Variants in HNRNPM observed in about 807,000 individuals in gnomAD.
HNRNPM encodes the protein heterogeneous nuclear ribonucleoprotein M.
In HNRNPM, 11 loss-of-function variants were observed where a neutral mutation model predicts 73.1. That is an observed-to-expected ratio of 0.15 (90% CI 0.09 to 0.25). HNRNPM has a LOEUF of 0.25. HNRNPM is among the 10% of genes least tolerant of loss of function. HNRNPM has a pLI of 1.00. For missense variants in HNRNPM, 789 were observed against 1,067.9 expected (o/e 0.74, Z 3.64); for synonymous variants, 407 against 355.2 (o/e 1.15, Z -1.64).
intron 8 of HNRNPM, 43 bp downstream of exon 8, chr19:8,467,627 C>T: frequency 1.5e-6 from 2 of 1,371,682 alleles, no homozygotes; most frequent in Non-Finnish European, 2.1e-6. Flanking sequence ...TCAAGTCTAG[C>T]AAAAACATGG....
At chr19:8,459,029 G>T (rs1017194598) in intron 2 of HNRNPM, among the ~76,000 whole-genome samples, 1 of 152,258 alleles carries the variant, frequency 6.6e-6, no homozygotes, top group African/African-American at 2.4e-5. Flanking sequence ...CTGGGTTCAA[G>T]TGATTCTCTT....
chr19:8,469,014 T>C (rs1260723114), intron 9 of HNRNPM, among the ~76,000 whole-genome samples, 180 bp downstream of exon 9: 1 of 152,196 alleles, frequency 6.6e-6, no homozygotes, highest in Non-Finnish European at 1.5e-5. Context: ...GAGGATATTG[T>C]TAGGATTACC....
chr19:8,476,043 G>A (rs1222929994), intron 12 of HNRNPM, among the ~76,000 whole-genome samples: 1 of 151,926 alleles, frequency 6.6e-6, no homozygotes, highest in African/African-American at 2.4e-5. Flanking sequence ...GCTGAGCCGT[G>A]TGACACAGTC....
At chr19:8,450,949 CA>C (rs1448870644) in intron 1 of HNRNPM, among the ~76,000 whole-genome samples, 1 of 151,996 alleles carries the variant, frequency 6.6e-6, no homozygotes, top group Non-Finnish European at 1.5e-5. Context: ...TCTTGTCGCC[CA>C]GGCTGGAGTG....
intron 12 of HNRNPM, among the ~76,000 whole-genome samples, chr19:8,477,046 C>G (rs1232493781): frequency 6.6e-6 from 1 of 152,182 alleles, no homozygotes; most frequent in Non-Finnish European, 1.5e-5. Context: ...TGCCACATCT[C>G]TAATGGAATT....
rs1178134145 is a variant in HNRNPM at position 8,479,755 on chromosome 19, T to TA, written c.1121-3386dup. On this transcript the variant is annotated intron_variant, in intron 12 of 15. Coordinates refer to ENST00000325495, the MANE Select transcript of HNRNPM (RefSeq NM_005968.5). ...CACTATGCCTGGCCAGCGGTGTATT[T>TA]AAAAAAAAAAAAAAAAATTTTTTTT... is the stretch of plus-strand genomic sequence containing the variant. 1.8e-3 allele frequency among the ~76,000 whole-genome samples: 151 copies of TA among 83,256 alleles called. 2 individuals are homozygous for TA. The highest frequency in any genetic ancestry group is 9.3e-3 in the Middle Eastern group (1 of 108). The allele number at this position is 83,256 out of a possible 152,430, so 54.6% of individuals were successfully genotyped here.
Position 8,447,524 on chromosome 19 carries a change from A to T in HNRNPM, c.113+2413A>T, listed in dbSNP as rs910238358. Among the ~76,000 whole-genome samples, 46 of 152,210 alleles carry T rather than the reference A, an allele frequency of 3.0e-4. No homozygotes were observed. In the East Asian group the frequency reaches 8.5e-3, roughly 28 times the overall value. ...AGACGTGTGGAAGTGGAGGAGAAGA[A>T]GATGGTTGGGGAGGGGCAGGGAAGA... On this transcript the variant is annotated intron_variant, in intron 1 of 15. Coordinates refer to ENST00000325495, the MANE Select transcript of HNRNPM (RefSeq NM_005968.5).
chr19:8,486,009 G>A lies in HNRNPM; in HGVS notation c.1581G>A (p.Leu527=). The change falls in exon 14 of 16, where the codon CTG becomes CTA. Residue 527 remains leucine (L), a synonymous_variant. Coordinates refer to ENST00000325495, the MANE Select transcript of HNRNPM (RefSeq NM_005968.5). ...RMGPAIERMG[L]SMERMVPAGM... ...GCCCTGCCATCGAGCGCATGGGCCT[G>A]AGCATGGAGCGCATGGTGCCCGCAG... 1 of 1,606,186 alleles carries A rather than the reference G, an allele frequency of 6.2e-7. No individual in the cohort carries two copies. The highest frequency in any genetic ancestry group is 8.5e-7 in the Non-Finnish European group (1 of 1,179,244).
At chr19:8,471,177 T>G in intron 9 of HNRNPM, 149 bp from the exon 10 acceptor site, 1 of 463,820 alleles carries the variant, frequency 2.2e-6, no homozygotes, top group East Asian at 3.5e-5. Flanking sequence ...TGTGCCGATG[T>G]TGAATTTTGC....
chr19:8,476,837 C>T (rs1334481701), intron 12 of HNRNPM, among the ~76,000 whole-genome samples: 2 of 152,122 alleles, frequency 1.3e-5, no homozygotes, highest in East Asian at 1.9e-4. Flanking sequence ...ATGAGGATGC[C>T]GCTGCGGGGC....
Position 8,467,532 on chromosome 19 carries a change from C to T in HNRNPM, c.785-3C>T, listed in dbSNP as rs1457566251. On this transcript the variant is annotated splice_polypyrimidine_tract_variant and splice_region_variant and intron_variant, in intron 7 of 15. Transcript: ENST00000325495. ...CAAGAAATAGCCTTAATTGTAATAC[C>T]AGCTATGTTCAATGGCCAGCTGCTA... The T allele has an allele frequency of 6.2e-7, 1 of 1,608,696 alleles. No homozygotes were observed.
chr19:8,467,047 A>T (rs1005419297), intron 7 of HNRNPM, among the ~76,000 whole-genome samples: 6 of 149,636 alleles, frequency 4.0e-5, no homozygotes, highest in African/African-American at 1.5e-4. Context: ...ATAGGACCTC[A>T]CTCTTTCCAG....
At chr19:8,464,858 T>TC (rs1189268297) in intron 5 of HNRNPM, among the ~76,000 whole-genome samples, 2 of 152,126 alleles carry the variant, frequency 1.3e-5, no homozygotes, top group Non-Finnish European at 2.9e-5. Flanking sequence ...CACACACGCC[T>TC]CCAACACCTG....
intron 10 of HNRNPM, among the ~76,000 whole-genome samples, 180 bp from the exon 11 acceptor site, chr19:8,473,484 A>C (rs1231793346): frequency 6.6e-6 from 1 of 151,812 alleles, no homozygotes; most frequent in Non-Finnish European, 1.5e-5. Context: ...TAGCTATATG[A>C]TATTTGACAG....
rs1213313339 is a variant in HNRNPM at position 8,455,609 on chromosome 19, T to C, written c.283+35T>C. 4 of 1,568,204 alleles carry C rather than the reference T, an allele frequency of 2.6e-6. No individual in the cohort carries two copies. The Admixed American group carries it at 5.2e-5, about 20-fold the overall frequency. On this transcript the variant is annotated intron_variant, in intron 2 of 15. Transcript: ENST00000325495. ...CTGGTGATTGAGTAGGGTGAGAAGG[T>C]TGGTGTGTCATCTTTTCTGTGGCTA... is the stretch of plus-strand genomic sequence containing the variant.
chr19:8,480,323 G>A (rs1970823827), intron 12 of HNRNPM, among the ~76,000 whole-genome samples: 1 of 131,822 alleles, frequency 7.6e-6, no homozygotes, highest in Admixed American at 8.2e-5. Context: ...CAGCCTGGGT[G>A]ACAGAGTGAG....
chr19:8,477,321 T>A (rs1226815574), intron 12 of HNRNPM, among the ~76,000 whole-genome samples: 2 of 152,098 alleles, frequency 1.3e-5, no homozygotes, highest in Non-Finnish European at 2.9e-5. Context: ...AAGTGACCAC[T>A]GTGGTGGGCC....
intron 2 of HNRNPM, among the ~76,000 whole-genome samples, chr19:8,460,387 G>A (rs772644047): frequency 2.0e-5 from 3 of 152,190 alleles, no homozygotes; most frequent in Non-Finnish European, 4.4e-5. Context: ...TTGTGAGGAG[G>A]ATGGGCATTA....
chr19:8,464,828 GT>G (rs1231730424), intron 5 of HNRNPM, among the ~76,000 whole-genome samples: 3 of 152,156 alleles, frequency 2.0e-5, no homozygotes, highest in Non-Finnish European at 4.4e-5. Flanking sequence ...CCCAGATGTT[GT>G]TTTACTGCGC....
Sources: allele counts gnomAD v4.1 joint callset (sites outside exome capture counted in the v4.1 genomes callset), GRCh38; gene constraint gnomAD v4.1.1; transcripts MANE v1.5; gene names NCBI Gene and HGNC (gene_info 2026-07-23, HGNC 2026-07-21).